Variants in ATXN2 observed in about 807,000 individuals in gnomAD.
ATXN2 encodes ataxin-2.
Under a neutral mutation model 138.6 loss-of-function variants are expected in ATXN2, and 37 were observed. The ratio of observed to expected loss-of-function variants is 0.27; its 90% confidence interval spans 0.21 to 0.35. The LOEUF is 0.35. ATXN2 is among the 10% of genes least tolerant of loss of function. The probability of loss-of-function intolerance (pLI) is 1.00; values close to 1 mark genes in which losing one functional copy is unlikely to be tolerated. For missense variants in ATXN2, 1,216 were observed against 1,480.3 expected (o/e 0.82, Z 2.93); for synonymous variants, 549 against 543.7 (o/e 1.01, Z -0.13).
chr12:111,552,194 A>G lies in ATXN2; in HGVS notation c.571+86T>C. ...CCATACCCAGCCCAGATATTTCTTT[A>G]AAAAAAGTTTGTAAGATCACTGTGA... On this transcript the variant is annotated intron_variant, in intron 5 of 24. Transcript: ENST00000673436. This position sits in a 1 kb window ranked among gnomAD's most constrained non-coding sequence, Gnocchi z 4.1. 1 of 1,400,166 alleles carries G rather than the reference A, an allele frequency of 7.1e-7. No homozygotes were observed. Among genetic ancestry groups the G allele is most frequent in the South Asian group, 1.5e-5 (1 of 68,552 alleles). The allele number at this position is 1,400,166 out of a possible 1,614,324, so 86.7% of individuals were successfully genotyped here.
At chr12:111,519,165 T>C (rs1311384122) in intron 8 of ATXN2, among the ~76,000 whole-genome samples, 1 of 152,216 alleles carries the variant, frequency 6.6e-6, no homozygotes, top group East Asian at 1.9e-4. Context: ...AGTTGAACTA[T>C]TTCAGTGCAC....
In ATXN2 at chr12:111,525,244, T is replaced by A. The variant is rs909283429; in HGVS notation, c.644A>T (p.Asp215Val). ...CTCATTGGCTGTGAGTTCACCTGCA[T>A]CCCAGGGCTCCAGGTCCTTCTCTTT... Reference protein sequence around the residue: ...EHKEKDLEPWDAGELTANEEL... With the variant: ...EHKEKDLEPWVAGELTANEEL... The change falls in exon 6 of 25, where the codon GAT becomes GTT. Residue 215 changes from aspartate to valine, a missense_variant. Asp to Val is a radical substitution (Grantham distance 152, BLOSUM62 -3). This residue lies in a region of ATXN2 where 401 missense variants were observed against 528.1 expected (regional missense o/e 0.76). Transcript: ENST00000673436. The A allele has an allele frequency of 5.6e-6, 9 of 1,613,806 alleles. No homozygotes were observed. Among genetic ancestry groups the A allele is most frequent in the Non-Finnish European group, 6.8e-6 (8 of 1,179,950 alleles).
At chr12:111,486,240 G>A (rs1428830060) in intron 16 of ATXN2, among the ~76,000 whole-genome samples, 1 of 152,108 alleles carries the variant, frequency 6.6e-6, no homozygotes, top group Non-Finnish European at 1.5e-5. Context: ...CCAAAGTCTT[G>A]GAATGCTCAA....
At position 111,510,488 on chromosome 12, in the gene ATXN2, T is replaced by C. The variant is rs771699299; in HGVS notation, c.1653A>G (p.Gln551=). The C allele has an allele frequency of 1.9e-6, 3 of 1,614,104 alleles. No individual in the cohort carries two copies. Among genetic ancestry groups the C allele is most frequent in the Non-Finnish European group, 2.5e-6 (3 of 1,180,006 alleles). ...TPSGPVLASP[Q]AGIIPTEAVA... ...CAGCTTCAGTTGGAATAATACCAGCTTGGGGAGAAGCAAGAACTGGCCCAC... is the reference window on the plus strand; with the variant it reads ...CAGCTTCAGTTGGAATAATACCAGCCTGGGGAGAAGCAAGAACTGGCCCAC... Residue 551 remains glutamine (Q), a synonymous_variant, in exon 12 of 25, where the codon CAA becomes CAG. Coordinates refer to ENST00000673436, the MANE Select transcript of ATXN2 (RefSeq NM_001372574.1).
At chr12:111,467,689 G>A (rs1215053297) in intron 20 of ATXN2, among the ~76,000 whole-genome samples, 1 of 152,146 alleles carries the variant, frequency 6.6e-6, no homozygotes, top group Non-Finnish European at 1.5e-5. Flanking sequence ...ATTAGATCTA[G>A]TGCTTTGTTT....
intron 1 of ATXN2, among the ~76,000 whole-genome samples, chr12:111,578,388 C>T (rs1883799824): frequency 6.6e-6 from 1 of 152,104 alleles, no homozygotes; most frequent in South Asian, 2.1e-4. Flanking sequence ...CCACTTTTAT[C>T]TTTTACGCTG....
At chr12:111,459,775 A>C (rs1343271813) in intron 21 of ATXN2, among the ~76,000 whole-genome samples, 1 of 120,952 alleles carries the variant, frequency 8.3e-6, no homozygotes, top group Admixed American at 8.3e-5. Flanking sequence ...TCTTGCTGTC[A>C]CCCAGGCTGG....
chr12:111,588,868 G>A (rs1327096294), intron 1 of ATXN2, among the ~76,000 whole-genome samples: 4 of 149,018 alleles, frequency 2.7e-5, no homozygotes, highest in East Asian at 4.0e-4. Flanking sequence ...GGTGGCGGGC[G>A]CATGTAGTCC....
chr12:111,485,283 T>A lies in ATXN2; in HGVS notation c.2506A>T (p.Thr836Ser). The change falls in exon 18 of 25, where the codon ACA (threonine) becomes TCA (serine). Residue 836 changes from threonine (T) to serine (S), a missense_variant. By Grantham distance (58) the Thr-to-Ser change is moderately conservative. Coordinates refer to ENST00000673436, the MANE Select transcript of ATXN2 (RefSeq NM_001372574.1). Reference protein sequence around the residue: ...MTPMPVNQAKTYRAGKVPNMP... With the variant: ...MTPMPVNQAKSYRAGKVPNMP... ...TTCTCACCTTTACCTGCTCTATATG[T>A]CTTGGCTTGATTCACTGGCATGGGC... 7 of 1,613,140 alleles carry A rather than the reference T, an allele frequency of 4.3e-6. No individual in the cohort carries two copies. Among genetic ancestry groups the A allele is most frequent in the African/African-American group, 1.3e-5 (1 of 75,012 alleles).
At chr12:111,592,348 G>A (rs919696363) in intron 1 of ATXN2, among the ~76,000 whole-genome samples, 4 of 149,962 alleles carry the variant, frequency 2.7e-5, no homozygotes, top group Admixed American at 1.3e-4. Context: ...CCAAGATCAC[G>A]CCACTGCACT....
intron 1 of ATXN2, among the ~76,000 whole-genome samples, chr12:111,577,288 CAG>C (rs1413481642): frequency 1.3e-5 from 2 of 151,866 alleles, no homozygotes; most frequent in South Asian, 2.1e-4. Flanking sequence ...TATTTTGAGA[CAG>C]AGTCTCGCTC....
At chr12:111,495,313 A>G (rs1308147461) in intron 14 of ATXN2, among the ~76,000 whole-genome samples, 2 of 151,686 alleles carry the variant, frequency 1.3e-5, no homozygotes, top group African/African-American at 2.4e-5. Context: ...TGTCTCAAAA[A>G]AAAAAAAAAA....
chr12:111,461,370 T>C (rs1363671795), intron 21 of ATXN2: 2 of 150,914 alleles, frequency 1.3e-5, no homozygotes, highest in Middle Eastern at 3.4e-3. Context: ...CTAGGGAGAG[T>C]GGGGAAGGAG....
rs745978810 is a variant in ATXN2, at chr12:111,509,974, T to C, written c.1781A>G (p.Gln594Arg). ...ATTCCCTGCAGGAGAGTTCTGCCTC[T>C]GATCTTGAAGCCTGGAATCTTTAGC... is the stretch of plus-strand genomic sequence containing the variant. ...SEAKDSRLQD[Q>R]RQNSPAGNKE... is the part of the protein sequence containing the mutation. Residue 594 changes from glutamine (Q) to arginine (R), a missense_variant, in exon 13 of 25, where the codon CAG (glutamine) becomes CGG (arginine). Physicochemically the swap from Gln to Arg is conservative, Grantham distance 43 (BLOSUM62 1). Around this residue, in one of 4 missense-constraint regions of ATXN2, gnomAD observed 215 missense variants for 210.0 expected, o/e 1.02. Transcript: ENST00000673436. The C allele has an allele frequency of 6.2e-7, 1 of 1,611,048 alleles. No homozygotes were observed. The highest frequency in any genetic ancestry group is 1.1e-5 in the South Asian group (1 of 90,146).
chr12:111,533,408 T>C (rs1352407333), intron 5 of ATXN2, among the ~76,000 whole-genome samples: 2 of 152,160 alleles, frequency 1.3e-5, no homozygotes, highest in African/African-American at 2.4e-5. Context: ...TAATACCTAA[T>C]ACAAAGTAAA....
intron 7 of ATXN2, among the ~76,000 whole-genome samples, chr12:111,520,654 GA>G (rs1880108059): frequency 6.7e-6 from 1 of 148,394 alleles, no homozygotes; most frequent in East Asian, 2.0e-4. Flanking sequence ...CCTCTCAAAA[GA>G]AAAAAAAAGA....
intron 14 of ATXN2, among the ~76,000 whole-genome samples, chr12:111,495,169 T>G (rs1878332177): frequency 6.6e-6 from 1 of 151,746 alleles, no homozygotes; most frequent in Non-Finnish European, 1.5e-5. Flanking sequence ...TTAGCTGGGC[T>G]TGGTGGCAGG....
chr12:111,456,739 T>C (rs1243526008), intron 22 of ATXN2, among the ~76,000 whole-genome samples: 7 of 152,152 alleles, frequency 4.6e-5, no homozygotes, highest in East Asian at 3.9e-4. Context: ...GTATCTTAAA[T>C]GTGATTTTTT....
At chr12:111,454,052 G>C in intron 23 of ATXN2, 2 of 524,934 alleles carry the variant, frequency 3.8e-6, no homozygotes, top group Non-Finnish European at 6.6e-6. Context: ...GCAAGGGTCA[G>C]GGAGCAGGCA....
Sources: gnomAD v4.1 joint callset for allele counts (sites outside exome capture counted in the v4.1 genomes callset) on GRCh38, gnomAD v4.1.1 for gene constraint, gnomAD v4.1.1 regional missense constraint, Gnocchi (gnomAD v3.1) non-coding constraint, MANE v1.5 for transcripts, NCBI Gene and HGNC (gene_info 2026-07-23, HGNC 2026-07-21) for gene names.